The following COL22A1 variants were observed in gnomAD, a reference collection of about 807,000 sequenced individuals.
COL22A1 encodes the protein collagen type XXII alpha 1 chain.
COL22A1 carries 221 observed loss-of-function variants against 248.9 expected under a neutral mutation model. The ratio of observed to expected loss-of-function variants is 0.89; its 90% CI spans 0.80 to 0.99. COL22A1 has a LOEUF of 0.99. Ranked by LOEUF, COL22A1 falls within the 50% of genes least tolerant of loss-of-function variation. The probability of loss-of-function intolerance (pLI) is 0.00; values close to 1 mark genes in which losing one functional copy is unlikely to be tolerated. For synonymous variants in COL22A1, 891 were observed against 793.4 expected, an observed-to-expected ratio of 1.12 and a Z score of -2.07; for missense variants, 2,240 against 2,179.0, an observed-to-expected ratio of 1.03 and a Z score of -0.56.
Position 138,670,796 on chromosome 8 carries a change from TA to T in COL22A1, c.3150+5761del, listed in dbSNP as rs559520624. 3.3e-5 allele frequency among the ~76,000 whole-genome samples: 5 copies of T among 151,034 alleles called. No individual in the cohort carries two copies. In the East Asian group the frequency reaches 7.8e-4, roughly 24 times the overall value. On this transcript the variant is annotated intron_variant, in intron 41 of 64. Coordinates refer to ENST00000303045, the MANE Select transcript of COL22A1 (RefSeq NM_152888.3). ...GCAACAGGTCAAAACCTCATCTCTA[TA>T]AAAAAACACAAAAATTAGCCAGGCA...
chr8:138,616,765 T>C (rs1819355141), intron 54 of COL22A1, 149 bp downstream of exon 54: 7 of 825,920 alleles, frequency 8.5e-6, no homozygotes, highest in Non-Finnish European at 1.4e-5. Flanking sequence ...TTCAAAGGTG[T>C]CCCTGTGCTG....
chr8:138,805,416 G>A (rs530078124), intron 10 of COL22A1, among the ~76,000 whole-genome samples: 22 of 111,244 alleles, frequency 2.0e-4, no homozygotes, highest in African/African-American at 1.1e-3. Context: ...AGTGTGTAAA[G>A]GTTGTGTATG....
At chr8:138,803,762 G>A (rs551849046) in intron 10 of COL22A1, among the ~76,000 whole-genome samples, 1 of 152,266 alleles carries the variant, frequency 6.6e-6, no homozygotes, top group African/African-American at 2.4e-5. Context: ...TCCAAGATAG[G>A]TGTAGGCACA....
intron 30 of COL22A1, among the ~76,000 whole-genome samples, chr8:138,714,326 T>G (rs1219841427): frequency 6.6e-6 from 1 of 152,154 alleles, no homozygotes; most frequent in Non-Finnish European, 1.5e-5. Context: ...TTATATCCAC[T>G]CCTGTTCCTT....
intron 3 of COL22A1, among the ~76,000 whole-genome samples, chr8:138,875,159 C>CTG (rs1404489793): frequency 6.6e-6 from 1 of 152,158 alleles, no homozygotes; most frequent in East Asian, 1.9e-4. Flanking sequence ...TTGAAGCTGC[C>CTG]TGACCTCTGG....
At chr8:138,793,713 T>C (rs902951582) in intron 12 of COL22A1, among the ~76,000 whole-genome samples, 1 of 152,122 alleles carries the variant, frequency 6.6e-6, no homozygotes. Context: ...ATGCTGCAGG[T>C]AGGACTCCTG....
chr8:138,867,859 G>T (rs1823015000), intron 3 of COL22A1, among the ~76,000 whole-genome samples: 1 of 152,152 alleles, frequency 6.6e-6, no homozygotes, highest in Middle Eastern at 3.2e-3. Flanking sequence ...CTGACTCCCT[G>T]GTTCAAGCGA....
intron 3 of COL22A1, among the ~76,000 whole-genome samples, chr8:138,847,886 C>G (rs982978265): frequency 1.3e-5 from 2 of 151,982 alleles, no homozygotes; most frequent in African/African-American, 4.8e-5. Flanking sequence ...AATTTGCATG[C>G]ATTTCCTTCC....
At chr8:138,710,724 A>G (rs1447481234) in intron 30 of COL22A1, among the ~76,000 whole-genome samples, 2 of 152,160 alleles carry the variant, frequency 1.3e-5, no homozygotes, top group South Asian at 2.1e-4. Flanking sequence ...CTCAGAATGC[A>G]TGCCCTTTAC....
intron 7 of COL22A1, among the ~76,000 whole-genome samples, chr8:138,818,409 T>C (rs1818851136): frequency 1.3e-5 from 2 of 152,200 alleles, no homozygotes; most frequent in Admixed American, 1.3e-4. Flanking sequence ...AGGGTTGTGT[T>C]TGTGACCGTG....
At chr8:138,791,478 G>C (rs1312313852) in intron 12 of COL22A1, among the ~76,000 whole-genome samples, 1 of 152,230 alleles carries the variant, frequency 6.6e-6, no homozygotes, top group African/African-American at 2.4e-5. Flanking sequence ...AAGAGCGCTT[G>C]CATTTTCAAA....
Position 138,821,318 on chromosome 8 carries a change from G to A in COL22A1, c.1063C>T (p.Arg355Trp), listed in dbSNP as rs199956548. ...DAVRVVFRGSRVNDLFDRDWH... is the reference protein window; with the variant it reads ...DAVRVVFRGSWVNDLFDRDWH... Reference sequence around the variant, plus strand: ...TCCCGGTCAAAGAGGTCATTGACCCGAGAACCTCGGAAGACCACCCTGACA... The same window carrying A: ...TCCCGGTCAAAGAGGTCATTGACCCAAGAACCTCGGAAGACCACCCTGACA... Residue 355 changes from arginine (R) to tryptophan (W), a missense_variant, in exon 7 of 65, where the codon CGG (arginine) becomes TGG (tryptophan). Physicochemically the swap from Arg to Trp is moderately radical, Grantham distance 101 (BLOSUM62 -3). Coordinates refer to ENST00000303045, the MANE Select transcript of COL22A1 (RefSeq NM_152888.3). 59 of 1,614,168 alleles carry A rather than the reference G, an allele frequency of 3.7e-5. No individual in the cohort carries two copies. The highest frequency in any genetic ancestry group is 3.0e-4 in the Admixed American group (18 of 60,022).
chr8:138,780,801 T>C (rs1297663640), intron 13 of COL22A1, 126 bp downstream of exon 13: 4 of 793,888 alleles, frequency 5.0e-6, no homozygotes, highest in Non-Finnish European at 6.7e-6. Flanking sequence ...AGGATCCTAA[T>C]ATAAATACGT....
intron 15 of COL22A1, among the ~76,000 whole-genome samples, chr8:138,777,070 C>A (rs114415344): frequency 1.9e-4 from 29 of 152,208 alleles, no homozygotes; most frequent in Admixed American, 3.3e-4. Context: ...GTAGGGACCT[C>A]CAGGATGAGC....
At chr8:138,858,606 C>A (rs1401279171) in intron 3 of COL22A1, among the ~76,000 whole-genome samples, 1 of 152,090 alleles carries the variant, frequency 6.6e-6, no homozygotes, top group African/African-American at 2.4e-5. Context: ...TTCCCCAAAC[C>A]TAGTCAGTCC....
chr8:138,800,122 A>G (rs1454304852), intron 11 of COL22A1, among the ~76,000 whole-genome samples: 1 of 152,196 alleles, frequency 6.6e-6, no homozygotes, highest in Non-Finnish European at 1.5e-5. Context: ...AGCTGGGACC[A>G]TGGCCCTCTT....
chr8:138,658,331 T>C (rs1046737744), intron 44 of COL22A1, among the ~76,000 whole-genome samples: 1 of 152,216 alleles, frequency 6.6e-6, no homozygotes, highest in Non-Finnish European at 1.5e-5. Flanking sequence ...TGTCTTTGTT[T>C]ACCTGTGTTC....
chr8:138,713,124 T>C (rs77543646), intron 30 of COL22A1, among the ~76,000 whole-genome samples: 5,416 of 152,154 alleles, frequency 0.036, 119 homozygotes, highest in Non-Finnish European at 0.052. Context: ...GCAGAAAACA[T>C]AGTGGAATTT....
chr8:138,656,464 A>C (rs1348434326), intron 44 of COL22A1, among the ~76,000 whole-genome samples: 1 of 152,176 alleles, frequency 6.6e-6, no homozygotes, highest in Non-Finnish European at 1.5e-5. Flanking sequence ...AATTCCAGAA[A>C]GGGTATTTCA....
Sources: gnomAD v4.1 joint callset for allele counts (sites outside exome capture counted in the v4.1 genomes callset) on GRCh38, gnomAD v4.1.1 for gene constraint, MANE v1.5 for transcripts, NCBI Gene and HGNC (gene_info 2026-07-23, HGNC 2026-07-21) for gene names.